Variants in SCLT1 observed in about 807,000 individuals in gnomAD.
SCLT1 encodes sodium channel-associated protein 1.
In SCLT1, 78 loss-of-function variants were observed where a neutral mutation model predicts 112.8. The observed-to-expected ratio is 0.69, with a 90% CI of 0.58 to 0.83. SCLT1 has a LOEUF of 0.83. Among genes scored for constraint, SCLT1 ranks in the 40% least tolerant of loss-of-function variants. The probability of loss-of-function intolerance (pLI) is 0.00; values close to 1 mark genes in which losing one functional copy is unlikely to be tolerated. For synonymous variants in SCLT1, 257 were observed against 254.7 expected (o/e 1.01, Z -0.09); for missense variants, 747 against 770.4 (o/e 0.97, Z 0.36).
chr4:128,877,420 G>A (rs925559332), intron 3 of SCLT1, among the ~76,000 whole-genome samples: 17 of 152,140 alleles, frequency 1.1e-4, no homozygotes, highest in Non-Finnish European at 2.5e-4. Context: ...AGTGGCTCAC[G>A]CCTGTAATCC....
At chr4:128,974,408 T>C (rs1740965815) in intron 9 of SCLT1, among the ~76,000 whole-genome samples, 1 of 151,562 alleles carries the variant, frequency 6.6e-6, no homozygotes, top group South Asian at 2.1e-4. Context: ...ATGTGATCAG[T>C]GTGCCAGAAA....
chr4:129,020,655 G>A (rs1328331986), intron 5 of SCLT1, among the ~76,000 whole-genome samples: 1 of 152,186 alleles, frequency 6.6e-6, no homozygotes, highest in East Asian at 1.9e-4. Flanking sequence ...GAACACACCT[G>A]TAGATACATT....
At chr4:128,940,700 G>C (rs1737616912) in intron 17 of SCLT1, among the ~76,000 whole-genome samples, 1 of 151,584 alleles carries the variant, frequency 6.6e-6, no homozygotes, top group Non-Finnish European at 1.5e-5. Flanking sequence ...TTATGTAGAA[G>C]TTAGAAGTAT....
At chr4:128,919,410 C>T (rs1579376019) in intron 18 of SCLT1, among the ~76,000 whole-genome samples, 2 of 152,166 alleles carry the variant, frequency 1.3e-5, no homozygotes, top group East Asian at 3.9e-4. Flanking sequence ...ATCTTGGGGA[C>T]ACAGCTAAAG....
chr4:129,082,082 T>C (rs1699388), intron 2 of SCLT1, among the ~76,000 whole-genome samples: 109,588 of 152,070 alleles, frequency 0.72, 41,529 homozygotes, highest in South Asian at 0.89. Context: ...AGAACTCGAA[T>C]GAATTCCCAT....
chr4:129,088,743 G>A (rs1752600989), intron 1 of SCLT1, among the ~76,000 whole-genome samples: 1 of 152,128 alleles, frequency 6.6e-6, no homozygotes, highest in Non-Finnish European at 1.5e-5. Flanking sequence ...ACACAAACAA[G>A]CAATGGGGAA....
At chr4:129,001,119 T>A (rs1381430926) in intron 6 of SCLT1, among the ~76,000 whole-genome samples, 1 of 152,024 alleles carries the variant, frequency 6.6e-6, no homozygotes, top group African/African-American at 2.4e-5. Flanking sequence ...TTCTTTTCAG[T>A]AAAATGGTCG....
chr4:129,023,054 C>A (rs280597), intron 5 of SCLT1, among the ~76,000 whole-genome samples: 2 of 151,858 alleles, frequency 1.3e-5, no homozygotes, highest in Non-Finnish European at 1.5e-5. Flanking sequence ...CTAAGCTTCA[C>A]AAATGAAGGG....
intron 2 of SCLT1, among the ~76,000 whole-genome samples, chr4:129,045,769 C>A (rs543963995): frequency 1.3e-5 from 2 of 152,004 alleles, no homozygotes; most frequent in Admixed American, 1.3e-4. Context: ...AAATATAACT[C>A]AAAGAAGCCT....
At chr4:129,083,450 CA>C (rs10708320) in intron 1 of SCLT1, among the ~76,000 whole-genome samples, 67,379 of 116,338 alleles carry the variant, frequency 0.58, 18,961 homozygotes, top group Non-Finnish European at 0.67. Flanking sequence ...TATCAAGAAC[CA>C]AAAAAAAAAA....
rs144455700 is a variant in SCLT1 at position 128,946,172 on chromosome 4, G to A, written c.1294-20C>T. 1.8e-4 allele frequency: 275 copies of A among 1,537,614 alleles called. 2 individuals are homozygous for A. In the African/African-American group the frequency reaches 3.5e-3, roughly 19 times the overall value. On this transcript the variant is annotated intron_variant, in intron 15 of 20. Transcript: ENST00000281142. ...GTAAATCTGCAGAAAAGGCTTATTA[G>A]GTATATAATATTACAGAAGAAACTG...
intron 9 of SCLT1, among the ~76,000 whole-genome samples, chr4:128,973,362 T>G (rs1473221476): frequency 1.3e-5 from 2 of 148,534 alleles, no homozygotes; most frequent in Non-Finnish European, 3.0e-5. Context: ...GATAGCATAG[T>G]ACCTGGGGCA....
In SCLT1 at chr4:129,003,646, TTTA is replaced by T. The variant is rs1230220878; in HGVS notation, c.426+92_426+94del. ...CTGTAAAAAATCATAATGTTACAAT[TTTA>T]TTATTTTGTTATCCATAAATAATGA... is the stretch of plus-strand genomic sequence containing the variant. On this transcript the variant is annotated intron_variant, in intron 6 of 20. Coordinates refer to ENST00000281142, the MANE Select transcript of SCLT1 (RefSeq NM_144643.4). 3.0e-6 allele frequency: 3 copies of T among 995,128 alleles called. No individual in the cohort carries two copies. In the East Asian group the frequency reaches 8.1e-5, roughly 27 times the overall value. The allele number at this position is 995,128 out of a possible 1,614,324, so 61.6% of individuals were successfully genotyped here.
chr4:129,042,403 T>A (rs1361356438), intron 4 of SCLT1, among the ~76,000 whole-genome samples: 2 of 152,128 alleles, frequency 1.3e-5, no homozygotes, highest in African/African-American at 4.8e-5. Context: ...AATTTTGTGC[T>A]ATTATTCTAG....
At chr4:128,899,156 G>A (rs1197940694) in intron 18 of SCLT1, among the ~76,000 whole-genome samples, 5 of 152,022 alleles carry the variant, frequency 3.3e-5, no homozygotes, top group African/African-American at 9.7e-5. Context: ...AAGAGGGAGT[G>A]CTCCCTAACT....
At chr4:129,068,137 A>G (rs938666426) in intron 2 of SCLT1, among the ~76,000 whole-genome samples, 3 of 152,106 alleles carry the variant, frequency 2.0e-5, no homozygotes, top group African/African-American at 7.2e-5. Context: ...ATTGTCTCCA[A>G]TCTCATCCAG....
At position 128,936,800 on chromosome 4, in the gene SCLT1, G is replaced by T. The variant is rs138052297; in HGVS notation, c.1684C>A (p.Gln562Lys). The change falls in exon 18 of 21, where the codon CAA becomes AAA. Residue 562 changes from glutamine to lysine, a missense_variant. Gln to Lys is a moderately conservative substitution (Grantham distance 53). This residue lies in a region of SCLT1 where 723 missense variants were observed against 721.3 expected (regional missense o/e 1.00). Transcript: ENST00000281142. Reference sequence around the variant, plus strand: ...TTACTGTCTTCCATCTCTCTCAATTGAACTTCAAATCCACGTTCCTTTATT... The same window carrying T: ...TTACTGTCTTCCATCTCTCTCAATTTAACTTCAAATCCACGTTCCTTTATT... ...FSIKERGFEV[Q>K]LREMEDSNRN... is the part of the protein sequence containing the mutation. 62 of 1,604,990 alleles carry T rather than the reference G, an allele frequency of 3.9e-5. No individual in the cohort carries two copies. The highest frequency in any genetic ancestry group is 3.7e-5 in the Non-Finnish European group (44 of 1,173,458).
At chr4:128,996,175 G>A (rs886216679) in intron 8 of SCLT1, among the ~76,000 whole-genome samples, 14 of 151,990 alleles carry the variant, frequency 9.2e-5, no homozygotes, top group Non-Finnish European at 1.6e-4. Flanking sequence ...AAATCTCCCT[G>A]CTAGCTTTGG....
chr4:129,041,475 G>A (rs1747689265), intron 4 of SCLT1, among the ~76,000 whole-genome samples: 2 of 152,166 alleles, frequency 1.3e-5, no homozygotes, highest in African/African-American at 4.8e-5. Context: ...AGCATTATGT[G>A]TTCTTTTAGT....
Sources: gnomAD v4.1 joint callset for allele counts (sites outside exome capture counted in the v4.1 genomes callset) on GRCh38, gnomAD v4.1.1 for gene constraint, gnomAD v4.1.1 regional missense constraint, MANE v1.5 for transcripts, NCBI Gene and HGNC (gene_info 2026-07-23, HGNC 2026-07-21) for gene names.